The following PASK variants were observed in gnomAD, a reference collection of about 807,000 sequenced individuals.
The protein encoded by PASK is PAS domain-containing serine/threonine-protein kinase.
In PASK, 110 loss-of-function variants were observed where a neutral mutation model predicts 121.0. The ratio of observed to expected loss-of-function variants is 0.91; its 90% CI spans 0.78 to 1.06. PASK has a LOEUF of 1.06. Among genes scored for constraint, PASK ranks in the 50% least tolerant of loss-of-function variants. The pLI, the probability that PASK is intolerant of heterozygous loss-of-function variation, is 0.00. For missense variants in PASK, 1,643 were observed against 1,702.3 expected (o/e 0.97, Z 0.61); for synonymous variants, 686 against 717.8 (o/e 0.96, Z 0.71).
intron 14 of PASK, chr2:241,113,703 G>A (rs1171407951): frequency 1.0e-6 from 1 of 984,886 alleles, no homozygotes; most frequent in African/African-American, 1.7e-5. Context: ...GGGCTAAAGA[G>A]CGACTTGAAG....
upstream of PASK, chr2:241,149,999 T>C: frequency 2.8e-6 from 4 of 1,407,990 alleles, no homozygotes; most frequent in Non-Finnish European, 3.7e-6. Context: ...ATGTTGTTGC[T>C]CTTGCCGTTC....
intron 3 of PASK, among the ~76,000 whole-genome samples, 158 bp from the exon 4 acceptor site, chr2:241,140,213 TCACTGCAGCGGCGCAATCAGAGC>T (rs2066639553): frequency 5.6e-5 from 6 of 107,906 alleles, no homozygotes; most frequent in African/African-American, 2.7e-4. Context: ...CAATCAGAGC[TCACTGCAGCGGCGCAATCAGAGC>T]TCACTGCAAC....
chr2:241,123,367 A>G (rs1005840221), intron 11 of PASK, among the ~76,000 whole-genome samples: 7 of 151,530 alleles, frequency 4.6e-5, no homozygotes, highest in Non-Finnish European at 8.8e-5. Flanking sequence ...TTTAGTAGAG[A>G]TGGGGTTTCA....
chr2:241,132,555 GA>G (rs1437767458), intron 9 of PASK, among the ~76,000 whole-genome samples: 1 of 80,698 alleles, frequency 1.2e-5, no homozygotes, highest in Non-Finnish European at 2.5e-5. Context: ...AAAAAAAAAA[GA>G]AAATGATAAA....
chr2:241,146,796 G>A (rs1488348708), intron 1 of PASK, among the ~76,000 whole-genome samples: 1 of 152,224 alleles, frequency 6.6e-6, no homozygotes, highest in Non-Finnish European at 1.5e-5. Context: ...GTGGGGAAGA[G>A]GCACAAGGGC....
In PASK at chr2:241,108,023, T is replaced by C. The variant is rs983167318; in HGVS notation, c.3667+144A>G. ...ATTATCAAGATGTTTTAAAGTCATA[T>C]GCAAATTATTTGATGAATAGAAAAG... On this transcript the variant is annotated intron_variant, in intron 16 of 17. Coordinates refer to ENST00000234040, the MANE Select transcript of PASK (RefSeq NM_015148.4). The surrounding 1 kb of genome is among the most constrained non-coding windows in gnomAD (Gnocchi z 5.2). The C allele has an allele frequency of 1.3e-5, 11 of 861,178 alleles. 1 individual carries two copies. The highest frequency in any genetic ancestry group is 1.2e-4 in the African/African-American group (7 of 60,186). 53.3% of individuals were successfully genotyped at this position (861,178 alleles called of 1,614,324 possible). A position where few individuals can be genotyped will look rare whatever the true frequency, so the allele number is the denominator to read the frequency against.
In PASK at chr2:241,138,679, GAGACC is replaced by G. The variant is rs2066559098; in HGVS notation, c.711_715del (p.Arg237SerfsTer16). ...ATCGCTCTGGAAAGCGACCCAGGTCGAGACCCTCTCCACGGGCTCCAGGACCACCA... is the reference window on the plus strand; with the variant it reads ...ATCGCTCTGGAAAGCGACCCAGGTCGCTCTCCACGGGCTCCAGGACCACCA... On this transcript the variant is annotated frameshift_variant, in exon 5 of 18. Coordinates refer to ENST00000234040, the MANE Select transcript of PASK (RefSeq NM_015148.4). LOFTEE classifies it high-confidence loss of function. 8 of 1,613,960 alleles carry G rather than the reference GAGACC, an allele frequency of 5.0e-6. No homozygotes were observed. The East Asian group carries it at 1.8e-4, about 36-fold the overall frequency.
At chr2:241,110,983 G>A (rs2065088126) in intron 15 of PASK, among the ~76,000 whole-genome samples, 1 of 152,222 alleles carries the variant, frequency 6.6e-6, no homozygotes, top group Non-Finnish European at 1.5e-5. Context: ...GCCCAGAAGA[G>A]CTCAACGCTG....
At chr2:241,118,051 G>C (rs2065450132) in intron 12 of PASK, among the ~76,000 whole-genome samples, 2 of 152,256 alleles carry the variant, frequency 1.3e-5, no homozygotes, top group East Asian at 1.9e-4. Flanking sequence ...CAGATCAGGA[G>C]ACTAAATATT....
In PASK at chr2:241,149,051, T is replaced by C. The variant is rs2067133971; in HGVS notation, c.-43+363A>G. ...GGAGGCTGGCGGGATCCGGGCTGGT[T>C]CTCCTGGAGCTCGCCCCGCAGGGCC... On this transcript the variant is annotated intron_variant, in intron 1 of 17. Transcript: ENST00000234040. Among the ~76,000 whole-genome samples the C allele has an allele frequency of 2.0e-5, 3 of 151,828 alleles. No individual in the cohort carries two copies. The South Asian group carries it at 6.2e-4, about 32-fold the overall frequency.
intron 14 of PASK, chr2:241,113,481 C>CGT (rs1239879503): frequency 3.9e-5 from 6 of 152,966 alleles, no homozygotes; most frequent in Admixed American, 2.0e-4. Context: ...CCTGCATACA[C>CGT]ACGTGTGCAT....
At chr2:241,130,814 C>T (rs1427645209) in intron 9 of PASK, among the ~76,000 whole-genome samples, 1 of 151,998 alleles carries the variant, frequency 6.6e-6, no homozygotes, top group Non-Finnish European at 1.5e-5. Context: ...CAGGAGGCTT[C>T]GGTTCCGAGG....
intron 9 of PASK, among the ~76,000 whole-genome samples, chr2:241,130,173 CCAA>C (rs2066060252): frequency 6.6e-6 from 1 of 152,176 alleles, no homozygotes; most frequent in African/African-American, 2.4e-5. Context: ...GGGACACACC[CCAA>C]GTCTTCTGTA....
intron 7 of PASK, 111 bp from the exon 8 acceptor site, chr2:241,136,150 C>CTTT (rs2066418289): frequency 2.0e-6 from 2 of 994,964 alleles, no homozygotes; most frequent in Non-Finnish European, 3.2e-6. Flanking sequence ...TGAGGGTTCA[C>CTTT]CCTTAAGGTC....
chr2:241,141,393 T>C (rs771917583), intron 2 of PASK, among the ~76,000 whole-genome samples: 1 of 152,102 alleles, frequency 6.6e-6, no homozygotes, highest in Non-Finnish European at 1.5e-5. Context: ...CCCCGTCACC[T>C]CCTCCTTGGA....
intron 9 of PASK, among the ~76,000 whole-genome samples, chr2:241,130,545 G>A (rs1255737990): frequency 2.0e-5 from 3 of 152,066 alleles, no homozygotes; most frequent in African/African-American, 4.8e-5. Context: ...AACCACGGCC[G>A]CCCCACTTCA....
rs1444095675 is a variant in PASK, at chr2:241,130,851, CAT to C, written c.1463+2021_1463+2022del. ...GGCCTGTAGAGGAAGATCTGCAGGA[CAT>C]GTGTGTGCGTACACATACACACACA... On this transcript the variant is annotated intron_variant, in intron 9 of 17. Transcript: ENST00000234040. 3.3e-5 allele frequency among the ~76,000 whole-genome samples: 5 copies of C among 152,254 alleles called. No individual in the cohort carries two copies. In the East Asian group the frequency reaches 7.7e-4, roughly 24 times the overall value.
chr2:241,136,041 T>G lies in PASK; in HGVS notation c.1138-2A>C. The G allele has an allele frequency of 1.9e-6, 3 of 1,613,396 alleles. No individual in the cohort carries two copies. The highest frequency in any genetic ancestry group is 2.5e-6 in the Non-Finnish European group (3 of 1,179,380). The stretch of plus-strand genomic sequence containing the variant: ...ACCAGGAATCAGGAAAGTGATATTC[T>G]AGAAAACAAAGCAGGGACATTTCAG... On this transcript the variant is annotated splice_acceptor_variant, in intron 7 of 17. Coordinates refer to ENST00000234040, the MANE Select transcript of PASK (RefSeq NM_015148.4). LOFTEE classifies it high-confidence loss of function.
At chr2:241,147,186 A>G (rs1211945223) in intron 1 of PASK, among the ~76,000 whole-genome samples, 1 of 152,214 alleles carries the variant, frequency 6.6e-6, no homozygotes, top group Non-Finnish European at 1.5e-5. Context: ...GAACCAACCT[A>G]TAGACAAAGC....
Sources: allele counts gnomAD v4.1 joint callset (sites outside exome capture counted in the v4.1 genomes callset), GRCh38; gene constraint gnomAD v4.1.1; non-coding constraint Gnocchi (gnomAD v3.1); transcripts MANE v1.5; gene names NCBI Gene and HGNC (gene_info 2026-07-23, HGNC 2026-07-21).